The following PET100 variants were observed in gnomAD, a reference collection of about 807,000 sequenced individuals.
PET100 encodes protein PET100 homolog, mitochondrial.
A neutral mutation model predicts 13.6 loss-of-function variants in PET100; 13 were observed. The observed-to-expected ratio is 0.96, with a 90% CI of 0.62 to 1.52. The LOEUF is 1.52. PET100 is among the 40% of genes most tolerant of loss of function. The pLI is 0.00. For missense variants in PET100, 94 were observed against 95.3 expected (o/e 0.99, Z 0.06); for synonymous variants, 28 against 30.8 (o/e 0.91, Z 0.30).
chr19:7,631,352 C>G (rs987190407), intron 3 of PET100, 121 bp from the exon 4 acceptor site: 2 of 1,369,760 alleles, frequency 1.5e-6, no homozygotes, highest in Admixed American at 3.1e-5. Context: ...AGTGAAGACA[C>G]TGAACCCTGA....
intron 3 of PET100, 97 bp downstream of exon 3, chr19:7,630,943 C>T: frequency 6.9e-7 from 1 of 1,441,442 alleles, no homozygotes; most frequent in Non-Finnish European, 9.4e-7. Context: ...GGCGCAGTGG[C>T]TCATGCTTGT....
At position 7,631,548 on chromosome 19, in the gene PET100, A is replaced by G; in HGVS notation, c.214A>G (p.Asn72Asp). The G allele has an allele frequency of 6.5e-7, 1 of 1,536,110 alleles. No individual in the cohort carries two copies. Among genetic ancestry groups the G allele is most frequent in the Non-Finnish European group, 8.7e-7 (1 of 1,146,600 alleles). The change falls in exon 4 of 4, where the codon AAC (asparagine) becomes GAC (aspartate). Residue 72 changes from asparagine to aspartate, a missense_variant. By Grantham distance (23) the Asn-to-Asp change is conservative. Coordinates refer to ENST00000594797, the MANE Select transcript of PET100 (RefSeq NM_001171155.2). ...GAAGCTCCTTCGCGACGCCCAGCAG[A>G]ACTCCTGAGGCCTCCAAGTGGGAGT... ...EEKLLRDAQQ[N>D]S
At position 7,631,753 on chromosome 19, in the gene PET100, TGA is replaced by T; in HGVS notation, c.*199_*200del. On this transcript the variant is annotated 3_prime_UTR_variant, in exon 4 of 4. Coordinates refer to ENST00000594797, the MANE Select transcript of PET100 (RefSeq NM_001171155.2). ...ACGGAAGCCGAGAGCGGTCGGGTCCTGAGGGGTGAGCAGGGGTTGGGGACTGA... is the reference window on the plus strand; with the variant it reads ...ACGGAAGCCGAGAGCGGTCGGGTCCTGGGGTGAGCAGGGGTTGGGGACTGA... 1 of 1,437,780 alleles carries T rather than the reference TGA, an allele frequency of 7.0e-7. No homozygotes were observed. The allele number at this position is 1,437,780 out of a possible 1,614,324, so 89.1% of individuals were successfully genotyped here.
rs115357079 is a variant in PET100, at chr19:7,630,380, G to C, written c.28-193G>C. 5.6e-3 allele frequency: 3,327 copies of C among 595,104 alleles called. 76 individuals are homozygous for C. Among genetic ancestry groups the C allele is most frequent in the African/African-American group, 0.052 (2,811 of 53,806 alleles). 36.9% of individuals were successfully genotyped at this position (595,104 alleles called of 1,614,324 possible). On this transcript the variant is annotated intron_variant, in intron 1 of 3. Coordinates refer to ENST00000594797, the MANE Select transcript of PET100 (RefSeq NM_001171155.2). ...CAGCTCAGAGGGAACTTTCAGGAAT[G>C]AGGCCTCCTGGATTATAGGAGTTAG...
At chr19:7,630,169 G>C in intron 1 of PET100, 1 of 467,642 alleles carries the variant, frequency 2.1e-6, no homozygotes, top group Non-Finnish European at 3.8e-6. Context: ...TCTCGGGCTC[G>C]TGGTGGGTGG....
intron 3 of PET100, 133 bp from the exon 4 acceptor site, chr19:7,631,340 C>G (rs1416111509): frequency 4.5e-5 from 63 of 1,395,848 alleles, no homozygotes; most frequent in Non-Finnish European, 4.9e-5. Flanking sequence ...CAGGGGGCTT[C>G]CAGTGAAGAC....
Position 7,631,506 on chromosome 19 carries a change from C to T in PET100, c.172C>T (p.Arg58Trp), listed in dbSNP as rs756201257. 3.9e-6 allele frequency: 6 copies of T among 1,536,302 alleles called. No homozygotes were observed. Among genetic ancestry groups the T allele is most frequent in the South Asian group, 3.6e-5 (3 of 83,990 alleles). Residue 58 changes from arginine (R) to tryptophan (W), a missense_variant, in exon 4 of 4, where the codon CGG (arginine) becomes TGG (tryptophan). Transcript: ENST00000594797. ...QEIEEFKERL[R>W]KRREEKLLRD... ...GATAGAGGAATTCAAAGAGAGGTTACGGAAGCGGCGGGAGGAGAAGCTCCT... is the reference window on the plus strand; with the variant it reads ...GATAGAGGAATTCAAAGAGAGGTTATGGAAGCGGCGGGAGGAGAAGCTCCT...
intron 2 of PET100, 26 bp downstream of exon 2, chr19:7,630,685 G>A: frequency 1.3e-6 from 2 of 1,534,608 alleles, no homozygotes; most frequent in Non-Finnish European, 1.7e-6. Context: ...GTGTTTGAGG[G>A]TTCATTCCAG....
intron 1 of PET100, chr19:7,630,158 C>T (rs1446605699): frequency 4.3e-6 from 2 of 469,630 alleles, no homozygotes; most frequent in Admixed American, 7.9e-5. Flanking sequence ...CCTGGGGGAG[C>T]TCTCGGGCTC....
Position 7,631,739 on chromosome 19 carries a change from G to A in PET100, c.*183G>A, listed in dbSNP as rs201005289. 1 of 1,448,010 alleles carries A rather than the reference G, an allele frequency of 6.9e-7. No individual in the cohort carries two copies. Among genetic ancestry groups the A allele is most frequent in the Admixed American group, 2.6e-5 (1 of 38,930 alleles). The allele number at this position is 1,448,010 out of a possible 1,614,324, so 89.7% of individuals were successfully genotyped here. On this transcript the variant is annotated 3_prime_UTR_variant, in exon 4 of 4. Transcript: ENST00000594797. ...GGGCTGCTGTTCCGACGGAAGCCGA[G>A]AGCGGTCGGGTCCTGAGGGGTGAGC... is the stretch of plus-strand genomic sequence containing the variant.
intron 1 of PET100, chr19:7,630,255 C>CG: frequency 2.2e-6 from 1 of 458,324 alleles, no homozygotes; most frequent in African/African-American, 2.0e-5. Flanking sequence ...TGGGGGTGCT[C>CG]CCGGGATCTT....
intron 3 of PET100, 74 bp from the exon 4 acceptor site, chr19:7,631,399 C>CGGGGGGGGGGGGTGGGGGGGGG: frequency 1.7e-6 from 1 of 583,160 alleles, no homozygotes; most frequent in Non-Finnish European, 2.4e-6. Flanking sequence ...GAGAGGTGGG[C>CGGGGGGGGGGGGTGGGGGGGGG]GGGGGGGGGT....
In PET100 at chr19:7,630,555, C is replaced by T. The variant is rs4134805; in HGVS notation, c.28-18C>T. The T allele has an allele frequency of 9.2e-6, 14 of 1,529,570 alleles. No individual in the cohort carries two copies. The highest frequency in any genetic ancestry group is 7.2e-5 in the South Asian group (6 of 83,912). 94.7% of individuals were successfully genotyped at this position (1,529,570 alleles called of 1,614,324 possible). ...TTGCTTGGGGGGAGCTCACCTCACCCACCCTCTGCCATTCCAGATGATAAT... is the reference window on the plus strand; with the variant it reads ...TTGCTTGGGGGGAGCTCACCTCACCTACCCTCTGCCATTCCAGATGATAAT... On this transcript the variant is annotated intron_variant, in intron 1 of 3. Coordinates refer to ENST00000594797, the MANE Select transcript of PET100 (RefSeq NM_001171155.2).
intron 1 of PET100, chr19:7,630,368 A>C (rs929909929): frequency 1.7e-6 from 1 of 588,054 alleles, no homozygotes; most frequent in African/African-American, 1.9e-5. Context: ...CTCAGAGGGA[A>C]CTTTCAGGAA....
intron 3 of PET100, 62 bp from the exon 4 acceptor site, chr19:7,631,411 G>T (rs1269816046): frequency 4.1e-5 from 36 of 886,134 alleles, no homozygotes; most frequent in Non-Finnish European, 5.9e-5. Context: ...GGGGGGGGTG[G>T]TCCCGGCTCT....
Position 7,629,858 on chromosome 19 carries a change from C to T in PET100, c.25C>T (p.Arg9Trp). The change falls in exon 1 of 4, where the codon CGG becomes TGG. Residue 9 changes from arginine (R) to tryptophan (W), a missense_variant and splice_region_variant. Physicochemically the swap from Arg to Trp is moderately radical, Grantham distance 101. Transcript: ENST00000594797. ...GATGGGGGTGAAGCTGGAGATATTT[C>T]GGGTCAGTGGACACAGGAGTGGGTT... MGVKLEIF[R>W]MIIYLTFPVA... is the part of the protein sequence containing the mutation. The T allele has an allele frequency of 6.5e-7, 1 of 1,534,328 alleles. No individual in the cohort carries two copies. Among genetic ancestry groups the T allele is most frequent in the Non-Finnish European group, 8.7e-7 (1 of 1,145,562 alleles).
chr19:7,631,934 T>G lies in PET100; in HGVS notation c.*378T>G. ...CCTCATTGTGAGCACTGGTCTATGT[T>G]TACCCTCAATATCTGCCATTTAGGG... On this transcript the variant is annotated 3_prime_UTR_variant, in exon 4 of 4. Coordinates refer to ENST00000594797, the MANE Select transcript of PET100 (RefSeq NM_001171155.2). 1 of 981,742 alleles carries G rather than the reference T, an allele frequency of 1.0e-6. No homozygotes were observed. Among genetic ancestry groups the G allele is most frequent in the Non-Finnish European group, 1.4e-6 (1 of 724,924 alleles). The allele number at this position is 981,742 out of a possible 1,614,324, so 60.8% of individuals were successfully genotyped here. A position where few individuals can be genotyped will look rare whatever the true frequency, so the allele number is the denominator to read the frequency against.
intron 3 of PET100, 74 bp from the exon 4 acceptor site, chr19:7,631,399 C>CGGGGGGGGGG: frequency 3.8e-5 from 22 of 583,018 alleles, no homozygotes; most frequent in African/African-American, 7.6e-5. Context: ...GAGAGGTGGG[C>CGGGGGGGGGG]GGGGGGGGGT....
At position 7,631,747 on chromosome 19, in the gene PET100, G is replaced by C. The variant is rs777371438; in HGVS notation, c.*191G>C. The C allele has an allele frequency of 7.0e-7, 1 of 1,438,268 alleles. No individual in the cohort carries two copies. The highest frequency in any genetic ancestry group is 1.5e-5 in the African/African-American group (1 of 68,538). 89.1% of individuals were successfully genotyped at this position (1,438,268 alleles called of 1,614,324 possible). On this transcript the variant is annotated 3_prime_UTR_variant, in exon 4 of 4. Transcript: ENST00000594797. ...GTTCCGACGGAAGCCGAGAGCGGTC[G>C]GGTCCTGAGGGGTGAGCAGGGGTTG...
Sources: gnomAD v4.1 joint callset for allele counts on GRCh38, gnomAD v4.1.1 for gene constraint, MANE v1.5 for transcripts, NCBI Gene and HGNC (gene_info 2026-07-23, HGNC 2026-07-21) for gene names.